The following ELN variants were observed in gnomAD, a reference collection of about 807,000 sequenced individuals.
ELN encodes the protein elastin, also known as tropoelastin.
Under a neutral mutation model 105.8 loss-of-function variants are expected in ELN, and 65 were observed. That is an observed-to-expected ratio of 0.61 (90% CI 0.50 to 0.75). The LOEUF is 0.75. ELN is among the 30% of genes least tolerant of loss of function. ELN has a pLI of 0.00. For synonymous variants in ELN, 368 were observed against 389.2 expected (o/e 0.95, Z 0.64); for missense variants, 882 against 969.4 (o/e 0.91, Z 1.20).
chr7:74,039,005 A>G (rs367710005), intron 4 of ELN, among the ~76,000 whole-genome samples: 2 of 152,098 alleles, frequency 1.3e-5, no homozygotes, highest in East Asian at 1.9e-4. Flanking sequence ...TTTGACGGTG[A>G]AGAGAGGACA....
At chr7:74,038,580 C>T (rs782011415) in intron 4 of ELN, among the ~76,000 whole-genome samples, 7 of 152,220 alleles carry the variant, frequency 4.6e-5, no homozygotes, top group Non-Finnish European at 7.3e-5. Flanking sequence ...CAGGTCCCTC[C>T]GGGAAATACT....
In ELN at chr7:74,033,833, A is replaced by G. The variant is rs945852907; in HGVS notation, c.83-1531A>G. On this transcript the variant is annotated intron_variant, in intron 1 of 32. Coordinates refer to ENST00000252034, the MANE Select transcript of ELN (RefSeq NM_000501.4). ...CACGGGGCTCCCGGCCCCTTTCAGCAAAAGCAGTAAGGGAGGGCTGGGCTG... is the reference window on the plus strand; with the variant it reads ...CACGGGGCTCCCGGCCCCTTTCAGCGAAAGCAGTAAGGGAGGGCTGGGCTG... Among the ~76,000 whole-genome samples the G allele has an allele frequency of 6.6e-5, 10 of 152,324 alleles. No homozygotes were observed. In the East Asian group the frequency reaches 9.7e-4, roughly 15 times the overall value.
chr7:74,029,694 G>T (rs941359160), intron 1 of ELN, among the ~76,000 whole-genome samples: 1 of 152,194 alleles, frequency 6.6e-6, no homozygotes, highest in South Asian at 2.1e-4. Flanking sequence ...AACGAGCCAG[G>T]GCCTGAAAGC....
At position 74,061,934 on chromosome 7, in the gene ELN, C is replaced by T. The variant is rs546369777; in HGVS notation, c.1786+795C>T. The stretch of plus-strand genomic sequence containing the variant: ...CTGCCTCCACCCCAGCTCTCTGGCC[C>T]GAGCAAAGGAGCTGGTATTCCTCAT... On this transcript the variant is annotated intron_variant, in intron 26 of 32. Transcript: ENST00000252034. Among the ~76,000 whole-genome samples, 23 of 152,276 alleles carry T rather than the reference C, an allele frequency of 1.5e-4. No homozygotes were observed. The South Asian group carries it at 2.7e-3, about 18-fold the overall frequency.
intron 1 of ELN, among the ~76,000 whole-genome samples, chr7:74,029,956 G>C (rs1788299544): frequency 6.6e-6 from 1 of 152,204 alleles, no homozygotes; most frequent in African/African-American, 2.4e-5. Context: ...GAGTGAGCTA[G>C]CAGGCAACAT....
chr7:74,031,957 G>C lies in ELN; in HGVS notation c.83-3407G>C, dbSNP rs1194536708. Among the ~76,000 whole-genome samples the C allele has an allele frequency of 2.0e-5, 3 of 151,982 alleles. No individual in the cohort carries two copies. In the East Asian group the frequency reaches 5.8e-4, roughly 29 times the overall value. Reference sequence around the variant, plus strand: ...TCTGTGGATGAGGGGTAAGTCCCCAGACTACAGGCCCTGGCAGGCAGAACT... The same window carrying C: ...TCTGTGGATGAGGGGTAAGTCCCCACACTACAGGCCCTGGCAGGCAGAACT... On this transcript the variant is annotated intron_variant, in intron 1 of 32. Coordinates refer to ENST00000252034, the MANE Select transcript of ELN (RefSeq NM_000501.4).
chr7:74,056,322 C>A lies in ELN; in HGVS notation c.1202C>A (p.Ala401Asp). Residue 401 changes from alanine to aspartate, a missense_variant, in exon 20 of 33, where the codon GCT becomes GAT. By Grantham distance (126) the Ala-to-Asp change is moderately radical. Coordinates refer to ENST00000252034, the MANE Select transcript of ELN (RefSeq NM_000501.4). ...VGGIPTYGVG[A>D]GGFPGFGVGV... is the part of the protein sequence containing the mutation. The stretch of plus-strand genomic sequence containing the variant: ...GGCATTCCTACTTACGGGGTTGGAG[C>A]TGGGGGCTTTCCCGGCTTTGGTGTC... The A allele has an allele frequency of 6.2e-7, 1 of 1,614,130 alleles. No homozygotes were observed. Among genetic ancestry groups the A allele is most frequent in the Non-Finnish European group, 8.5e-7 (1 of 1,180,030 alleles).
At position 74,063,257 on chromosome 7, in the gene ELN, G is replaced by A; in HGVS notation, c.1858+33G>A. Reference sequence around the variant, plus strand: ...GAAACCCCAGGAGGGGCAGGGTGGGGAGGGAATCTAACCAGTACAGAGTGC... The same window carrying A: ...GAAACCCCAGGAGGGGCAGGGTGGGAAGGGAATCTAACCAGTACAGAGTGC... On this transcript the variant is annotated intron_variant, in intron 27 of 32. Coordinates refer to ENST00000252034, the MANE Select transcript of ELN (RefSeq NM_000501.4). The surrounding 1 kb of genome is among the most constrained non-coding windows in gnomAD (Gnocchi z 4.1). The A allele has an allele frequency of 6.3e-7, 1 of 1,594,580 alleles. No homozygotes were observed. The highest frequency in any genetic ancestry group is 8.5e-7 in the Non-Finnish European group (1 of 1,171,868).
chr7:74,052,859 G>A, intron 17 of ELN: 3 of 422,700 alleles, frequency 7.1e-6, no homozygotes, highest in Non-Finnish European at 1.3e-5. Context: ...GGGAGGGAGA[G>A]AGAAAGAAAG....
At chr7:74,057,365 G>A (rs1554680795) in intron 21 of ELN, 1 of 1,487,694 alleles carries the variant, frequency 6.7e-7, no homozygotes, top group Admixed American at 2.4e-5. Flanking sequence ...AAGGCTGAAA[G>A]TTCTCCACTC....
chr7:74,062,064 C>G (rs567927536), intron 26 of ELN: 1 of 152,478 alleles, frequency 6.6e-6, no homozygotes, highest in East Asian at 1.9e-4. Flanking sequence ...CTGCACTTGG[C>G]GCTCTGGCAG....
Position 74,063,081 on chromosome 7 carries a change from G to T in ELN, c.1787-72G>T. 1 of 1,540,852 alleles carries T rather than the reference G, an allele frequency of 6.5e-7. No individual in the cohort carries two copies. On this transcript the variant is annotated intron_variant, in intron 26 of 32. Transcript: ENST00000252034. The surrounding 1 kb of genome is among the most constrained non-coding windows in gnomAD (Gnocchi z 4.1). ...CATGGCCCCTGCCACCTGTCTGCTT[G>T]CCTTGTGTCCCTGGGGCAGGGAGAC... is the stretch of plus-strand genomic sequence containing the variant.
At chr7:74,043,199 A>C in intron 8 of ELN, 31 bp downstream of exon 8, 1 of 1,567,710 alleles carries the variant, frequency 6.4e-7, no homozygotes, top group Non-Finnish European at 8.6e-7. Flanking sequence ...GCTGGAGGAC[A>C]GAGGGCAGGG....
chr7:74,065,230 C>T (rs1189577844), intron 29 of ELN, among the ~76,000 whole-genome samples: 2 of 151,304 alleles, frequency 1.3e-5, no homozygotes, highest in Non-Finnish European at 2.9e-5. Flanking sequence ...GCCTGGGCAA[C>T]AGAGCAAGAA....
intron 15 of ELN, among the ~76,000 whole-genome samples, chr7:74,050,697 C>T (rs1793847523): frequency 6.6e-6 from 1 of 152,144 alleles, no homozygotes; most frequent in Non-Finnish European, 1.5e-5. Context: ...CTGCCTCCTC[C>T]CACCCATCCA....
At chr7:74,068,512 A>G (rs1798485092) in intron 32 of ELN, 145 bp from the exon 33 acceptor site, 2 of 880,898 alleles carry the variant, frequency 2.3e-6, no homozygotes, top group South Asian at 3.0e-5. Flanking sequence ...GATGGCATGG[A>G]TCAGGTCTGA....
intron 15 of ELN, among the ~76,000 whole-genome samples, chr7:74,050,696 C>T (rs1793846829): frequency 6.6e-6 from 1 of 152,082 alleles, no homozygotes; most frequent in Non-Finnish European, 1.5e-5. Flanking sequence ...ACTGCCTCCT[C>T]CCACCCATCC....
At chr7:74,064,072 C>A (rs1382111968) in intron 29 of ELN, among the ~76,000 whole-genome samples, 2 of 151,018 alleles carry the variant, frequency 1.3e-5, no homozygotes, top group Non-Finnish European at 2.9e-5. Context: ...CACTGCATTC[C>A]AGCTTGGGCA....
intron 1 of ELN, among the ~76,000 whole-genome samples, chr7:74,033,329 G>A (rs149224256): frequency 6.6e-6 from 1 of 152,358 alleles, no homozygotes; most frequent in East Asian, 1.9e-4. Context: ...CGTGAAGAAT[G>A]AGGGAGAGGG....
Sources: allele counts gnomAD v4.1 joint callset (sites outside exome capture counted in the v4.1 genomes callset), GRCh38; gene constraint gnomAD v4.1.1; non-coding constraint Gnocchi (gnomAD v3.1); transcripts MANE v1.5; gene names NCBI Gene and HGNC (gene_info 2026-07-23, HGNC 2026-07-21).